Variants in NLGN1 observed in about 807,000 individuals in gnomAD.
NLGN1 encodes the protein neuroligin-1.
A neutral mutation model predicts 65.5 loss-of-function variants in NLGN1; 12 were observed. The ratio of observed to expected loss-of-function variants is 0.18; its 90% CI spans 0.12 to 0.30. The LOEUF is 0.30. NLGN1 is among the 10% of genes least tolerant of loss of function. The pLI is 1.00. For missense variants in NLGN1, 750 were observed against 1,007.1 expected (o/e 0.74, Z 3.46); for synonymous variants, 350 against 359.5 (o/e 0.97, Z 0.30).
intron 4 of NLGN1, among the ~76,000 whole-genome samples, chr3:174,127,014 G>A (rs1029528939): frequency 6.6e-6 from 1 of 152,122 alleles, no homozygotes; most frequent in South Asian, 2.1e-4. Flanking sequence ...GCACAGTAGG[G>A]TATATCTCAC....
At chr3:173,869,890 C>G (rs1730856803) in intron 4 of NLGN1, among the ~76,000 whole-genome samples, 1 of 152,084 alleles carries the variant, frequency 6.6e-6, no homozygotes, top group African/African-American at 2.4e-5. Context: ...CAGACTGTAT[C>G]AAGTATTCCA....
intron 4 of NLGN1, among the ~76,000 whole-genome samples, chr3:174,250,001 A>T (rs1350901575): frequency 6.6e-6 from 1 of 152,230 alleles, no homozygotes; most frequent in Non-Finnish European, 1.5e-5. Context: ...GCAGAGAGAT[A>T]CTGAGAAGAG....
intron 4 of NLGN1, among the ~76,000 whole-genome samples, chr3:174,107,685 C>A (rs979814655): frequency 1.2e-4 from 18 of 152,028 alleles, no homozygotes; most frequent in African/African-American, 4.1e-4. Flanking sequence ...ACAATAGTTG[C>A]ATTTTTATTT....
chr3:173,418,096 T>C (rs1714165119), intron 1 of NLGN1, among the ~76,000 whole-genome samples: 1 of 150,930 alleles, frequency 6.6e-6, no homozygotes, highest in Admixed American at 6.6e-5. Flanking sequence ...AAATAAAATA[T>C]AATAAGTATA....
chr3:174,075,367 G>A (rs1313202546), intron 4 of NLGN1, among the ~76,000 whole-genome samples: 1 of 152,016 alleles, frequency 6.6e-6, no homozygotes, highest in Non-Finnish European at 1.5e-5. Flanking sequence ...ACATAATATT[G>A]GTTGATTTGG....
chr3:173,890,852 A>G (rs908143650), intron 4 of NLGN1, among the ~76,000 whole-genome samples: 9 of 152,298 alleles, frequency 5.9e-5, no homozygotes, highest in Admixed American at 5.9e-4. Context: ...TGGCATGGCA[A>G]TTCTCAGCTA....
intron 4 of NLGN1, among the ~76,000 whole-genome samples, chr3:173,829,655 G>T (rs2150583456): frequency 6.6e-6 from 1 of 152,078 alleles, no homozygotes; most frequent in Non-Finnish European, 1.5e-5. Context: ...ATTAATTATA[G>T]TCACTATACT....
intron 3 of NLGN1, among the ~76,000 whole-genome samples, chr3:173,642,735 G>C: frequency 6.6e-6 from 1 of 152,126 alleles, no homozygotes; most frequent in East Asian, 1.9e-4. Flanking sequence ...TCAGCTCAAA[G>C]CTCAAGAATG....
At chr3:174,200,500 A>T (rs998129971) in intron 4 of NLGN1, among the ~76,000 whole-genome samples, 6 of 152,204 alleles carry the variant, frequency 3.9e-5, no homozygotes, top group Admixed American at 3.9e-4. Flanking sequence ...GAGGTAAAAG[A>T]TTCATCAGAC....
chr3:173,434,542 T>G (rs752286939), intron 1 of NLGN1, among the ~76,000 whole-genome samples: 2 of 152,178 alleles, frequency 1.3e-5, no homozygotes, highest in Non-Finnish European at 2.9e-5. Context: ...ATATCATTAT[T>G]CAGGGAATAC....
intron 4 of NLGN1, among the ~76,000 whole-genome samples, chr3:174,008,743 C>A (rs1408839623): frequency 6.6e-6 from 1 of 151,886 alleles, no homozygotes; most frequent in Middle Eastern, 3.2e-3. Flanking sequence ...ATCACCTGCA[C>A]AATGAGTAAG....
chr3:173,757,274 C>T (rs764230408), intron 3 of NLGN1, among the ~76,000 whole-genome samples: 2 of 151,892 alleles, frequency 1.3e-5, no homozygotes, highest in African/African-American at 2.4e-5. Context: ...TCACTTAAAG[C>T]AGGAAACTCA....
chr3:173,496,304 C>T (rs1044657660), intron 2 of NLGN1, among the ~76,000 whole-genome samples: 4 of 151,710 alleles, frequency 2.6e-5, no homozygotes, highest in African/African-American at 9.7e-5. Flanking sequence ...TAGATAGCTT[C>T]TAGAATATTC....
At chr3:173,515,281 G>T (rs1577059689) in intron 2 of NLGN1, among the ~76,000 whole-genome samples, 1 of 152,106 alleles carries the variant, frequency 6.6e-6, no homozygotes, top group East Asian at 1.9e-4. Flanking sequence ...CCACCCGTTA[G>T]TCATTTGTGT....
rs1361183704 is a variant in NLGN1 at position 173,697,355 on chromosome 3, CCTTT to C, written c.493+92267_493+92270del. ...CCTTAGGCAATCTGCCCTACCTTTA[CCTTT>C]CTAAGTCTCAGTTTCTACATCTGTT... On this transcript the variant is annotated intron_variant, in intron 3 of 6. Coordinates refer to ENST00000457714, the Ensembl canonical transcript of NLGN1. Among the ~76,000 whole-genome samples the C allele has an allele frequency of 5.9e-5, 9 of 152,164 alleles. No individual in the cohort carries two copies. The East Asian group carries it at 1.5e-3, about 26-fold the overall frequency.
chr3:173,658,003 G>A (rs745372955), intron 3 of NLGN1, among the ~76,000 whole-genome samples: 7 of 151,590 alleles, frequency 4.6e-5, no homozygotes, highest in Non-Finnish European at 8.8e-5. Flanking sequence ...AAGGGACTTG[G>A]GAAAAAAATA....
intron 4 of NLGN1, among the ~76,000 whole-genome samples, chr3:174,105,408 C>T (rs1021813045): frequency 4.3e-4 from 65 of 152,006 alleles, no homozygotes; most frequent in African/African-American, 1.5e-3. Context: ...CATGGTGGCA[C>T]GCACCCATAT....
chr3:173,492,556 A>T (rs1729359373), intron 2 of NLGN1, among the ~76,000 whole-genome samples: 1 of 151,854 alleles, frequency 6.6e-6, no homozygotes, highest in Non-Finnish European at 1.5e-5. Context: ...GGCAAGGTTG[A>T]AATTAGTGTG....
intron 4 of NLGN1, among the ~76,000 whole-genome samples, chr3:173,913,752 AC>A (rs1276809941): frequency 6.6e-6 from 1 of 152,194 alleles, no homozygotes; most frequent in Non-Finnish European, 1.5e-5. Flanking sequence ...CACTCTTCTT[AC>A]CTCAACTGCT....
Sources: gnomAD v4.1 joint callset for allele counts (sites outside exome capture counted in the v4.1 genomes callset) on GRCh38, gnomAD v4.1.1 for gene constraint, MANE v1.5 for transcripts, NCBI Gene and HGNC (gene_info 2026-07-23, HGNC 2026-07-21) for gene names.